Variants in COX15 observed in about 807,000 individuals in gnomAD.
COX15 encodes the protein heme A synthase COX15.
Under a neutral mutation model 51.9 loss-of-function variants are expected in COX15, and 51 were observed. The ratio of observed to expected loss-of-function variants is 0.98; its 90% CI spans 0.78 to 1.24. The LOEUF (loss-of-function observed/expected upper bound fraction) is 1.24. Ranked by LOEUF, COX15 falls within the 50% of genes most tolerant of loss-of-function variation. COX15 has a pLI of 0.00. For missense variants in COX15, 420 were observed against 501.1 expected (o/e 0.84, Z 1.55); for synonymous variants, 188 against 190.5 (o/e 0.99, Z 0.11).
In COX15 at chr10:99,713,551, C is replaced by A; in HGVS notation, c.*1036G>T. The A allele has an allele frequency of 6.4e-7, 1 of 1,554,344 alleles. No individual in the cohort carries two copies. Among genetic ancestry groups the A allele is most frequent in the Admixed American group, 1.9e-5 (1 of 52,050 alleles). ...ACAATTTGTTTATCTGGGTAGATGT[C>A]CATGCACTACACCATCAAGGCCATA... is the stretch of plus-strand genomic sequence containing the variant. On this transcript the variant is annotated 3_prime_UTR_variant, in exon 9 of 9. Transcript: ENST00000016171.
At chr10:99,724,182 CT>C (rs952978276) in intron 4 of COX15, 59 bp from the exon 5 acceptor site, 8 of 1,600,100 alleles carry the variant, frequency 5.0e-6, no homozygotes, top group South Asian at 1.1e-5. Flanking sequence ...GTTCAACTTT[CT>C]TTTTTTTGTT....
downstream of COX15, chr10:99,710,146 T>C (rs1056844): frequency 2.0e-6 from 2 of 985,210 alleles, no homozygotes; most frequent in Non-Finnish European, 1.2e-6. Flanking sequence ...CTCCTCCTTC[T>C]CCACTCCAAG....
chr10:99,720,705 A>AGCGT (rs2036734546), intron 6 of COX15, among the ~76,000 whole-genome samples: 1 of 152,234 alleles, frequency 6.6e-6, no homozygotes, highest in Admixed American at 6.5e-5. Flanking sequence ...CAGAGAGGTT[A>AGCGT]CAGAGCTTGC....
At chr10:99,721,786 A>G (rs74850360) in intron 5 of COX15, among the ~76,000 whole-genome samples, 1,537 of 152,272 alleles carry the variant, frequency 0.01, 27 homozygotes, top group African/African-American at 0.035. Flanking sequence ...ACATGTGGCT[A>G]GTATGACTGA....
At chr10:99,703,620 T>G in the COX15 span, among the ~76,000 whole-genome samples, 10 of 152,322 alleles carry the variant, frequency 6.6e-5, no homozygotes, top group Middle Eastern at 3.4e-3. Context: ...TACACTTGGT[T>G]TTCATATCGC....
At chr10:99,709,834 G>A (rs141301007), downstream of COX15, 24 of 985,076 alleles carry the variant, frequency 2.4e-5, no homozygotes, top group South Asian at 1.4e-4. Flanking sequence ...TGTCAGTACC[G>A]TTATCAGAGG....
chr10:99,723,887 C>A, intron 5 of COX15, 69 bp downstream of exon 5: 3 of 1,543,118 alleles, frequency 1.9e-6, no homozygotes, highest in Non-Finnish European at 2.7e-6. Flanking sequence ...AGCAATTCTA[C>A]TTCTAGATAT....
chr10:99,712,925 C>T lies in COX15; in HGVS notation c.*1662G>A. ...CAACTTCTCAAGGACAGGAATCTTG[C>T]TCTCTCTCCAGATGTTCTCTGCTCC... On this transcript the variant is annotated 3_prime_UTR_variant, in exon 9 of 9. Coordinates refer to ENST00000016171, the MANE Select transcript of COX15 (RefSeq NM_078470.6). 3 of 783,192 alleles carry T rather than the reference C, an allele frequency of 3.8e-6. No individual in the cohort carries two copies. Among genetic ancestry groups the T allele is most frequent in the Non-Finnish European group, 4.7e-6 (3 of 642,230 alleles). The allele number at this position is 783,192 out of a possible 1,614,324, so 48.5% of individuals were successfully genotyped here. A position where few individuals can be genotyped will look rare whatever the true frequency, so the allele number is the denominator to read the frequency against.
Position 99,716,443 on chromosome 10 carries a change from C to T in COX15, c.1006G>A (p.Ala336Thr). Residue 336 changes from alanine to threonine, a missense_variant, in exon 8 of 9, where the codon GCC becomes ACC. Coordinates refer to ENST00000016171, the MANE Select transcript of COX15 (RefSeq NM_078470.6). ...HRILGITSVT[A>T]ITVLYFLSRR... ...GAGAGGAAGTAGAGCACTGTAATGG[C>T]AGTGACTGAAGTGATTCCCTGCAGG... The T allele has an allele frequency of 6.2e-7, 1 of 1,612,890 alleles. No homozygotes were observed. Among genetic ancestry groups the T allele is most frequent in the Non-Finnish European group, 8.5e-7 (1 of 1,179,022 alleles).
intron 7 of COX15, among the ~76,000 whole-genome samples, chr10:99,717,844 C>T (rs2036623710): frequency 6.6e-6 from 1 of 152,196 alleles, no homozygotes. Flanking sequence ...TCCAATTCAT[C>T]ACACACAGGC....
intron 7 of COX15, 89 bp downstream of exon 7, chr10:99,718,257 C>G: frequency 7.2e-7 from 1 of 1,391,906 alleles, no homozygotes; most frequent in South Asian, 1.2e-5. Flanking sequence ...GCTCTACCCT[C>G]TCAGTGTTGC....
At chr10:99,716,320 T>C (rs973612733) in intron 8 of COX15, 28 bp downstream of exon 8, 1 of 1,489,244 alleles carries the variant, frequency 6.7e-7, no homozygotes, top group Non-Finnish European at 9.4e-7. Flanking sequence ...TTGGGGATAC[T>C]GTCAGAACAA....
downstream of COX15, chr10:99,709,969 G>C (rs1290090983): frequency 1.0e-6 from 1 of 985,256 alleles, no homozygotes; most frequent in African/African-American, 1.7e-5. Flanking sequence ...CTTTTAAAAT[G>C]TAATCCATCA....
In COX15 at chr10:99,718,462, T is replaced by C. The variant is rs2036644792; in HGVS notation, c.871A>G (p.Asn291Asp). Residue 291 changes from asparagine to aspartate, a missense_variant, in exon 7 of 9, where the codon AAC becomes GAC. Transcript: ENST00000016171. ...VAGLDAGLVY[N>D]SFPKMGESWI... ...GATTCTCCCATTTTGGGAAAGGAGT[T>C]ATAAACAAGCCCAGCATCTAGCCCT... The C allele has an allele frequency of 6.2e-7, 1 of 1,613,992 alleles. No individual in the cohort carries two copies. The highest frequency in any genetic ancestry group is 1.3e-5 in the African/African-American group (1 of 74,892).
the COX15 span, among the ~76,000 whole-genome samples, chr10:99,703,724 A>T: frequency 1.3e-5 from 2 of 151,734 alleles, no homozygotes; most frequent in African/African-American, 2.4e-5. Context: ...TTTATTTTTT[A>T]TTATTTTTTT....
the COX15 span, among the ~76,000 whole-genome samples, chr10:99,700,324 C>T: frequency 6.6e-5 from 10 of 152,112 alleles, no homozygotes; most frequent in East Asian, 1.9e-4. Context: ...AAAATGACAA[C>T]GCTCCCCATA....
At chr10:99,731,508 T>C (rs922519094) in intron 1 of COX15, among the ~76,000 whole-genome samples, 1 of 152,242 alleles carries the variant, frequency 6.6e-6, no homozygotes, top group Non-Finnish European at 1.5e-5. Flanking sequence ...CTCGGTTTCC[T>C]ATTTCTGATT....
At chr10:99,703,558 A>G in the COX15 span, among the ~76,000 whole-genome samples, 2 of 152,212 alleles carry the variant, frequency 1.3e-5, no homozygotes, top group Admixed American at 6.5e-5. Context: ...ACAAAACTAG[A>G]TCTGGATCTG....
the COX15 span, chr10:99,702,430 G>A: frequency 6.5e-6 from 8 of 1,225,240 alleles, no homozygotes; most frequent in Non-Finnish European, 8.8e-6. Flanking sequence ...ATAACTTGTG[G>A]GAATACGGAG....
Sources: gnomAD v4.1 joint callset for allele counts (sites outside exome capture counted in the v4.1 genomes callset) on GRCh38, gnomAD v4.1.1 for gene constraint, MANE v1.5 for transcripts, NCBI Gene and HGNC (gene_info 2026-07-23, HGNC 2026-07-21) for gene names.